Variants in BFSP2 observed in about 807,000 individuals in gnomAD.
The protein encoded by BFSP2 is phakinin.
A neutral mutation model predicts 44.9 loss-of-function variants in BFSP2; 38 were observed. The observed-to-expected ratio is 0.85, with a 90% CI of 0.65 to 1.11. BFSP2 has a LOEUF of 1.11. Among genes scored for constraint, BFSP2 ranks in the 50% least tolerant of loss-of-function variants. The probability of loss-of-function intolerance (pLI) is 0.00; values close to 1 mark genes in which losing one functional copy is unlikely to be tolerated. For missense variants in BFSP2, 525 were observed against 533.0 expected, an observed-to-expected ratio of 0.99 and a Z score of 0.15; for synonymous variants, 197 against 209.9, an observed-to-expected ratio of 0.94 and a Z score of 0.53.
chr3:133,447,424 A>G (rs762970935), intron 2 of BFSP2, 25 bp downstream of exon 2: 1 of 1,608,450 alleles, frequency 6.2e-7, no homozygotes, highest in South Asian at 1.1e-5. Context: ...CAGAGGCGAC[A>G]GTCCCTCCAC....
intron 4 of BFSP2, among the ~76,000 whole-genome samples, chr3:133,461,023 A>T (rs2074057311): frequency 6.6e-6 from 1 of 152,194 alleles, no homozygotes; most frequent in South Asian, 2.1e-4. Context: ...AGGAAGTATC[A>T]ACATTCTCTC....
chr3:133,404,532 C>T (rs1326121979), intron 1 of BFSP2, among the ~76,000 whole-genome samples: 1 of 152,202 alleles, frequency 6.6e-6, no homozygotes, highest in Non-Finnish European at 1.5e-5. Flanking sequence ...AAAGGTACCG[C>T]AGCCATTGGT....
chr3:133,467,305 G>T (rs1036141943), intron 5 of BFSP2, among the ~76,000 whole-genome samples: 2 of 152,142 alleles, frequency 1.3e-5, no homozygotes, highest in African/African-American at 2.4e-5. Context: ...GCCCCCCAAG[G>T]CTCAGCCAGT....
chr3:133,414,570 CCT>C (rs1473668546), intron 1 of BFSP2, among the ~76,000 whole-genome samples: 1 of 130,652 alleles, frequency 7.7e-6, no homozygotes, highest in Non-Finnish European at 1.6e-5. Context: ...TGCCCTCTCC[CCT>C]CTCCTCTCTA....
intron 1 of BFSP2, chr3:133,410,301 G>T: frequency 2.6e-6 from 1 of 381,650 alleles, no homozygotes; most frequent in Non-Finnish European, 5.2e-6. Flanking sequence ...ATAGTAGCCA[G>T]TAGACCGGTG....
At position 133,474,953 on chromosome 3, in the gene BFSP2, ATG is replaced by A. The variant is rs1559987783; in HGVS notation, c.1245-12_1245-11del. ...TCCTCACCCATTGCTTCTGACTCCT[ATG>A]TGTTTCCTTTCAGCTGATGGAGAAA... is the stretch of plus-strand genomic sequence containing the variant. On this transcript the variant is annotated splice_polypyrimidine_tract_variant and intron_variant, in intron 6 of 6. Transcript: ENST00000302334. 1.2e-6 allele frequency: 2 copies of A among 1,613,974 alleles called. No individual in the cohort carries two copies. Among genetic ancestry groups the A allele is most frequent in the Non-Finnish European group, 1.7e-6 (2 of 1,179,974 alleles).
chr3:133,456,011 C>A (rs1417185411), intron 4 of BFSP2, among the ~76,000 whole-genome samples: 2 of 152,210 alleles, frequency 1.3e-5, no homozygotes, highest in Non-Finnish European at 2.9e-5. Flanking sequence ...CCATCCCTTG[C>A]CTGCTGCAAC....
At chr3:133,438,255 G>A (rs1010008112) in intron 1 of BFSP2, among the ~76,000 whole-genome samples, 2 of 152,220 alleles carry the variant, frequency 1.3e-5, no homozygotes, top group African/African-American at 2.4e-5. Context: ...GGCCAGGCAC[G>A]GTGGCTCATG....
At chr3:133,440,954 T>C (rs1232800423) in intron 1 of BFSP2, among the ~76,000 whole-genome samples, 1 of 152,074 alleles carries the variant, frequency 6.6e-6, no homozygotes, top group Non-Finnish European at 1.5e-5. Context: ...GCTGTGACTG[T>C]GCTTGTGAGT....
intron 6 of BFSP2, among the ~76,000 whole-genome samples, chr3:133,472,819 T>C (rs2074177642): frequency 6.6e-6 from 1 of 152,154 alleles, no homozygotes; most frequent in Non-Finnish European, 1.5e-5. Context: ...ACACATACAT[T>C]CACATACATG....
chr3:133,433,289 A>G (rs1338839547), intron 1 of BFSP2, among the ~76,000 whole-genome samples: 1 of 152,158 alleles, frequency 6.6e-6, no homozygotes. Flanking sequence ...CACCAGGCCT[A>G]ATCGCCACAC....
chr3:133,414,748 CTACT>C (rs2073496211), intron 1 of BFSP2, among the ~76,000 whole-genome samples: 3 of 124,562 alleles, frequency 2.4e-5, no homozygotes, highest in African/African-American at 6.2e-5. Context: ...CATTTCCCCT[CTACT>C]CACCCCTATT....
At chr3:133,448,948 G>T in intron 3 of BFSP2, 1 of 383,018 alleles carries the variant, frequency 2.6e-6, no homozygotes, top group Non-Finnish European at 4.9e-6. Flanking sequence ...CCTCCTCAAT[G>T]CATTCTATGT....
At chr3:133,417,132 C>T (rs116222023) in intron 1 of BFSP2, among the ~76,000 whole-genome samples, 3,368 of 136,722 alleles carry the variant, frequency 0.025, 75 homozygotes, top group Non-Finnish European at 0.036. Flanking sequence ...CCTCTACTTA[C>T]CCCTGCCCTC....
intron 3 of BFSP2, among the ~76,000 whole-genome samples, chr3:133,449,811 C>A (rs1181313961): frequency 6.6e-6 from 1 of 151,590 alleles, no homozygotes; most frequent in African/African-American, 2.4e-5. Context: ...ACTGTTTGAG[C>A]CCAAGAGATG....
intron 1 of BFSP2, among the ~76,000 whole-genome samples, chr3:133,444,397 A>G (rs2073877365): frequency 2.6e-5 from 4 of 152,104 alleles, no homozygotes; most frequent in Admixed American, 2.6e-4. Flanking sequence ...TATTATCTTC[A>G]TTTTATGGGG....
At chr3:133,462,948 A>T (rs1193306395) in intron 4 of BFSP2, among the ~76,000 whole-genome samples, 1 of 152,214 alleles carries the variant, frequency 6.6e-6, no homozygotes, top group Admixed American at 6.5e-5. Context: ...AAAGAATTCA[A>T]CTGAAGGGCA....
At chr3:133,404,767 C>T (rs2073390507) in intron 1 of BFSP2, 1 of 152,198 alleles carries the variant, frequency 6.6e-6, no homozygotes, top group South Asian at 2.1e-4. Flanking sequence ...GCACTGGGAT[C>T]CGCAAATTAT....
intron 1 of BFSP2, among the ~76,000 whole-genome samples, chr3:133,422,942 A>G (rs1047596282): frequency 6.6e-6 from 1 of 152,194 alleles, no homozygotes; most frequent in Non-Finnish European, 1.5e-5. Context: ...GCCTGCCTAT[A>G]CCTGGTACTG....
Sources: allele counts gnomAD v4.1 joint callset (sites outside exome capture counted in the v4.1 genomes callset), GRCh38; gene constraint gnomAD v4.1.1; transcripts MANE v1.5; gene names NCBI Gene and HGNC (gene_info 2026-07-23, HGNC 2026-07-21).